Variants in NOTCH1 observed in about 807,000 individuals in gnomAD.
NOTCH1 encodes notch receptor 1, also known as neurogenic locus notch homolog protein 1.
A neutral mutation model predicts 254.8 loss-of-function variants in NOTCH1; 37 were observed. That is an observed-to-expected ratio of 0.15 (90% CI 0.11 to 0.19). The LOEUF is 0.19. Among genes scored for constraint, NOTCH1 ranks in the 10% least tolerant of loss-of-function variants. The pLI is 1.00. For missense variants in NOTCH1, 2,972 were observed against 3,708.6 expected, an observed-to-expected ratio of 0.80 and a Z score of 5.16; for synonymous variants, 1,731 against 1,618.1, an observed-to-expected ratio of 1.07 and a Z score of -1.68.
intron 2 of NOTCH1, among the ~76,000 whole-genome samples, chr9:136,538,828 A>C (rs1266820220): frequency 6.6e-6 from 1 of 152,204 alleles, no homozygotes; most frequent in Non-Finnish European, 1.5e-5. Flanking sequence ...CTGAGTGTGG[A>C]GCTGTCATCG....
At chr9:136,512,555 G>T (rs753140725) in intron 15 of NOTCH1, among the ~76,000 whole-genome samples, 2 of 152,156 alleles carry the variant, frequency 1.3e-5, no homozygotes, top group Non-Finnish European at 2.9e-5. Flanking sequence ...AAGAGAGCCC[G>T]CCATCAAAGG....
chr9:136,533,618 C>T (rs1177157855), intron 2 of NOTCH1, among the ~76,000 whole-genome samples: 3 of 152,266 alleles, frequency 2.0e-5, no homozygotes, highest in Non-Finnish European at 4.4e-5. Context: ...GCTGCCCTCT[C>T]TGGCCAGGGT....
In NOTCH1 at chr9:136,545,842, G is replaced by T. The variant is rs1238183001; in HGVS notation, c.-56C>A. The T allele has an allele frequency of 8.9e-6, 9 of 1,008,508 alleles. No homozygotes were observed. Among genetic ancestry groups the T allele is most frequent in the Non-Finnish European group, 1.1e-5 (9 of 803,240 alleles). 62.5% of individuals were successfully genotyped at this position (1,008,508 alleles called of 1,614,324 possible). ...GCGGCGGCCTCCTGCGCTGGCCGGC[G>T]GGGCTGGGACGCACACGCGCGGCGT... On this transcript the variant is annotated 5_prime_UTR_variant, in exon 1 of 34. Coordinates refer to ENST00000651671, the MANE Select transcript of NOTCH1 (RefSeq NM_017617.5). This position sits in a 1 kb window ranked among gnomAD's most constrained non-coding sequence, Gnocchi z 6.8.
At chr9:136,530,064 C>T (rs1262784514) in intron 2 of NOTCH1, among the ~76,000 whole-genome samples, 1 of 152,200 alleles carries the variant, frequency 6.6e-6, no homozygotes, top group Non-Finnish European at 1.5e-5. Flanking sequence ...GAGGTGGGGG[C>T]CCAGAAAAGG....
intron 4 of NOTCH1, among the ~76,000 whole-genome samples, chr9:136,520,424 C>G (rs748247244): frequency 5.3e-5 from 8 of 152,132 alleles, no homozygotes; most frequent in Non-Finnish European, 1.2e-4. Context: ...TGCAAATCAG[C>G]TTGGGGAGCA....
chr9:136,544,008 C>T lies in NOTCH1; in HGVS notation c.140+16G>A, dbSNP rs1332391462. The T allele has an allele frequency of 6.4e-7, 1 of 1,564,060 alleles. No homozygotes were observed. The highest frequency in any genetic ancestry group is 1.2e-5 in the South Asian group (1 of 85,074). ...GCCCTCGACAAAGCAACAGGTCCCG[C>T]AGGGGTGGTACTCACACGCAGGCCT... On this transcript the variant is annotated intron_variant, in intron 2 of 33. Coordinates refer to ENST00000651671, the MANE Select transcript of NOTCH1 (RefSeq NM_017617.5).
intron 4 of NOTCH1, among the ~76,000 whole-genome samples, chr9:136,520,665 G>A (rs1398480510): frequency 2.6e-5 from 4 of 152,132 alleles, no homozygotes; most frequent in African/African-American, 9.7e-5. Context: ...TTTAGCCTGG[G>A]AGGTCAAGGC....
intron 4 of NOTCH1, among the ~76,000 whole-genome samples, chr9:136,521,461 C>T (rs1437978927): frequency 6.6e-6 from 1 of 152,152 alleles, no homozygotes; most frequent in Admixed American, 6.5e-5. Flanking sequence ...GAGGTCCTCA[C>T]CCACCCTGCC....
intron 1 of NOTCH1, among the ~76,000 whole-genome samples, chr9:136,544,407 G>A (rs1843780808): frequency 6.6e-6 from 1 of 152,194 alleles, no homozygotes. Context: ...CCTGGACGCA[G>A]TGGGGGAAAA....
At chr9:136,518,357 T>A in intron 6 of NOTCH1, 65 bp from the exon 7 acceptor site, 1 of 1,552,888 alleles carries the variant, frequency 6.4e-7, no homozygotes, top group East Asian at 2.4e-5. Flanking sequence ...CACCCACGGC[T>A]GGGGTCCAAC....
chr9:136,539,475 G>A (rs920949868), intron 2 of NOTCH1, among the ~76,000 whole-genome samples: 4 of 152,278 alleles, frequency 2.6e-5, no homozygotes, highest in South Asian at 2.1e-4. Flanking sequence ...TGCAGCCTCC[G>A]TCTCCTGGGT....
In NOTCH1 at chr9:136,495,946, G is replaced by T; in HGVS notation, c.*125C>A. On this transcript the variant is annotated 3_prime_UTR_variant, in exon 34 of 34. Transcript: ENST00000651671. ...AATACTAAAAAAAATTAAAATCCTC[G>T]TTCTTATTTTGTATAAAAACATGTG... is the stretch of plus-strand genomic sequence containing the variant. The T allele has an allele frequency of 2.9e-6, 3 of 1,039,460 alleles. No individual in the cohort carries two copies. Among genetic ancestry groups the T allele is most frequent in the Non-Finnish European group, 4.1e-6 (3 of 736,872 alleles). The allele number at this position is 1,039,460 out of a possible 1,614,324, so 64.4% of individuals were successfully genotyped here.
At position 136,505,418 on chromosome 9, in the gene NOTCH1, G is replaced by A. The variant is rs553265305; in HGVS notation, c.4478C>T (p.Ser1493Phe). The A allele has an allele frequency of 1.8e-5, 29 of 1,612,744 alleles. No homozygotes were observed. The highest frequency in any genetic ancestry group is 2.4e-5 in the Non-Finnish European group (28 of 1,180,008). ...FNDPWKNCTQ[S>F]LQCWKYFSDG... is the part of the protein sequence containing the mutation. ...ACTGAAGTACTTCCAGCACTGCAGAGACTGCGTGCAGTTCTTCCAGGGGTC... is the reference window on the plus strand; with the variant it reads ...ACTGAAGTACTTCCAGCACTGCAGAAACTGCGTGCAGTTCTTCCAGGGGTC... Residue 1493 changes from serine (S) to phenylalanine (F), a missense_variant, in exon 25 of 34, where the codon TCT becomes TTT. Physicochemically the swap from Ser to Phe is radical, Grantham distance 155. Coordinates refer to ENST00000651671, the MANE Select transcript of NOTCH1 (RefSeq NM_017617.5).
At position 136,495,102 on chromosome 9, in the gene NOTCH1, C is replaced by G. The variant is rs116716394; in HGVS notation, c.*969G>C. The G allele has an allele frequency of 5.0e-3, 1,995 of 399,100 alleles. 27 individuals are homozygous for G. The highest frequency in any genetic ancestry group is 0.034 in the African/African-American group (1,670 of 48,756). 24.7% of individuals were successfully genotyped at this position (399,100 alleles called of 1,614,324 possible). On this transcript the variant is annotated 3_prime_UTR_variant, in exon 34 of 34. Transcript: ENST00000651671. ...TGTTGCTGGAGCATCTTCTTCGGAA[C>G]CTGGGGGACACTGTGCAGGCTGAGG...
In NOTCH1 at chr9:136,513,868, G is replaced by A. The variant is rs929133673; in HGVS notation, c.2208-331C>T. On this transcript the variant is annotated intron_variant, in intron 13 of 33. Coordinates refer to ENST00000651671, the MANE Select transcript of NOTCH1 (RefSeq NM_017617.5). This position sits in a 1 kb window ranked among gnomAD's most constrained non-coding sequence, Gnocchi z 4.7. Reference sequence around the variant, plus strand: ...TGTAATCTCAGCTACTCGGGAGGCTGAGGCAGGGGAATCACTTGAACCTGA... The same window carrying A: ...TGTAATCTCAGCTACTCGGGAGGCTAAGGCAGGGGAATCACTTGAACCTGA... Among the ~76,000 whole-genome samples the A allele has an allele frequency of 2.0e-5, 3 of 152,220 alleles. No individual in the cohort carries two copies. The highest frequency in any genetic ancestry group is 2.0e-4 in the Admixed American group (3 of 15,276).
In NOTCH1 at chr9:136,496,920, G is replaced by T. The variant is rs778759745; in HGVS notation, c.6819C>A (p.Leu2273=). 6.2e-7 allele frequency: 1 copy of T among 1,612,490 alleles called. No individual in the cohort carries two copies. The highest frequency in any genetic ancestry group is 2.2e-5 in the East Asian group (1 of 44,882). ...RLAFETGPPR[L]SHLPVASGTS... The stretch of plus-strand genomic sequence containing the variant: ...TGCCAGAGGCCACAGGCAGGTGGGA[G>T]AGACGAGGTGGGCCAGTCTCAAAGG... The change falls in exon 34 of 34, where the codon CTC becomes CTA. Residue 2273 remains leucine (L), a synonymous_variant. Transcript: ENST00000651671.
intron 12 of NOTCH1, among the ~76,000 whole-genome samples, 184 bp downstream of exon 12, chr9:136,515,106 C>A (rs917601384): frequency 6.6e-6 from 1 of 152,192 alleles, no homozygotes; most frequent in Admixed American, 6.5e-5. Context: ...CAAGAGGGGT[C>A]GGGGGGACCC....
intron 2 of NOTCH1, among the ~76,000 whole-genome samples, chr9:136,541,720 G>A (rs528944894): frequency 2.0e-4 from 31 of 152,346 alleles, no homozygotes; most frequent in East Asian, 9.6e-4. Flanking sequence ...TCTCCGAAGC[G>A]GCTGCAATGT....
rs771510776 is a variant in NOTCH1 at position 136,518,750 on chromosome 9, T to C, written c.940A>G (p.Asn314Asp). The stretch of plus-strand genomic sequence containing the variant: ...ACGCAGTTGTAGCCACCGTGGGTGT[T>C]GTGGCAGGTCCCGCCGTTCTGGCAG... Reference protein sequence around the residue: ...NACQNGGTCHNTHGGYNCVCV... With the variant: ...NACQNGGTCHDTHGGYNCVCV... The change falls in exon 6 of 34, where the codon AAC becomes GAC. Residue 314 changes from asparagine (N) to aspartate (D), a missense_variant. This residue lies in a region of NOTCH1 where 374 missense variants were observed against 496.3 expected (regional missense o/e 0.75). Coordinates refer to ENST00000651671, the MANE Select transcript of NOTCH1 (RefSeq NM_017617.5). The C allele has an allele frequency of 1.9e-6, 3 of 1,611,936 alleles. No homozygotes were observed. In the South Asian group the frequency reaches 3.3e-5, roughly 18 times the overall value.
Sources: allele counts gnomAD v4.1 joint callset (sites outside exome capture counted in the v4.1 genomes callset), GRCh38; gene constraint gnomAD v4.1.1; regional missense constraint gnomAD v4.1.1; non-coding constraint Gnocchi (gnomAD v3.1); transcripts MANE v1.5; gene names NCBI Gene and HGNC (gene_info 2026-07-23, HGNC 2026-07-21).